ZNF385D: variants seen among roughly 807,000 people sequenced by gnomAD.
ZNF385D encodes the protein zinc finger protein 385D.
ZNF385D carries 15 observed loss-of-function variants against 35.8 expected under a neutral mutation model. That is an observed-to-expected ratio of 0.42 (90% CI 0.28 to 0.64). The LOEUF (loss-of-function observed/expected upper bound fraction) is 0.64. Ranked by LOEUF, ZNF385D falls within the 30% of genes least tolerant of loss-of-function variation. The pLI is 0.23. For missense variants in ZNF385D, 474 were observed against 494.6 expected (o/e 0.96, Z 0.39); for synonymous variants, 212 against 186.8 (o/e 1.13, Z -1.10).
chr3:21,633,621 T>A (rs2065344144), intron 2 of ZNF385D, among the ~76,000 whole-genome samples: 1 of 152,066 alleles, frequency 6.6e-6, no homozygotes, highest in Admixed American at 6.6e-5. Context: ...CTCTCCTGAC[T>A]TCACTGAGGA....
intron 3 of ZNF385D, among the ~76,000 whole-genome samples, chr3:21,879,354 G>A (rs1448144453): frequency 6.6e-6 from 1 of 151,880 alleles, no homozygotes; most frequent in Non-Finnish European, 1.5e-5. Flanking sequence ...GCCATCTCTG[G>A]GATTAGAGTG....
intron 3 of ZNF385D, among the ~76,000 whole-genome samples, chr3:21,887,501 T>A (rs1024657171): frequency 6.6e-6 from 1 of 152,160 alleles, no homozygotes; most frequent in Non-Finnish European, 1.5e-5. Flanking sequence ...AACACTTTGT[T>A]TTAGTTTTTA....
At chr3:21,614,695 TCTC>T (rs1436474013) in intron 2 of ZNF385D, among the ~76,000 whole-genome samples, 22 of 152,128 alleles carry the variant, frequency 1.4e-4, no homozygotes, top group African/African-American at 5.1e-4. Context: ...TTCAAGCAAT[TCTC>T]CTGCCTCAGC....
At chr3:22,034,893 G>A (rs913461976) in intron 3 of ZNF385D, among the ~76,000 whole-genome samples, 1 of 152,032 alleles carries the variant, frequency 6.6e-6, no homozygotes, top group African/African-American at 2.4e-5. Context: ...AGTCAGCCCG[G>A]AGATATGTTG....
At chr3:21,588,812 G>A (rs1433855944) in intron 2 of ZNF385D, among the ~76,000 whole-genome samples, 1 of 152,042 alleles carries the variant, frequency 6.6e-6, no homozygotes, top group Non-Finnish European at 1.5e-5. Flanking sequence ...TTACAGCTAT[G>A]GATTAAGTTA....
chr3:21,755,279 T>C (rs563134887), upstream of ZNF385D, among the ~76,000 whole-genome samples: 2 of 152,322 alleles, frequency 1.3e-5, no homozygotes, highest in African/African-American at 4.8e-5. Flanking sequence ...CCATATTAGA[T>C]CCATTATCAT....
intron 3 of ZNF385D, among the ~76,000 whole-genome samples, chr3:22,047,904 C>T (rs1214520011): frequency 6.6e-6 from 1 of 152,124 alleles, no homozygotes; most frequent in Non-Finnish European, 1.5e-5. Context: ...CACATCTTCA[C>T]CAACACCTAC....
intron 2 of ZNF385D, among the ~76,000 whole-genome samples, chr3:22,343,737 C>T (rs543995610): frequency 6.6e-6 from 1 of 152,334 alleles, no homozygotes; most frequent in South Asian, 2.1e-4. Flanking sequence ...TTAATGCTTG[C>T]ATCTGAGAAC....
chr3:21,824,633 T>C (rs957289798), intron 3 of ZNF385D, among the ~76,000 whole-genome samples: 1 of 152,152 alleles, frequency 6.6e-6, no homozygotes, highest in Non-Finnish European at 1.5e-5. Context: ...AGATTTTCTT[T>C]TAAGAACCTG....
chr3:22,265,970 G>T (rs546137566), intron 2 of ZNF385D, among the ~76,000 whole-genome samples: 89 of 151,922 alleles, frequency 5.9e-4, no homozygotes, highest in Non-Finnish European at 1.2e-3. Flanking sequence ...ATTAAAATAT[G>T]CTGTCTCTTC....
intron 3 of ZNF385D, among the ~76,000 whole-genome samples, chr3:21,776,506 T>G (rs919586212): frequency 6.6e-6 from 1 of 151,970 alleles, no homozygotes. Flanking sequence ...CTGTCATTAT[T>G]TGTATTTATC....
At chr3:22,310,313 AATG>A (rs1394720910) in intron 2 of ZNF385D, among the ~76,000 whole-genome samples, 1 of 151,840 alleles carries the variant, frequency 6.6e-6, no homozygotes, top group Non-Finnish European at 1.5e-5. Flanking sequence ...TGGCTATGAG[AATG>A]ATATGAGCTG....
intron 3 of ZNF385D, among the ~76,000 whole-genome samples, chr3:21,916,448 C>T (rs529046695): frequency 6.6e-6 from 1 of 152,218 alleles, no homozygotes; most frequent in Non-Finnish European, 1.5e-5. Flanking sequence ...AAAATATAAT[C>T]TGCACCCAAT....
chr3:21,726,036 T>A (rs963462106), intron 1 of ZNF385D, among the ~76,000 whole-genome samples: 1 of 152,132 alleles, frequency 6.6e-6, no homozygotes, highest in African/African-American at 2.4e-5. Context: ...CACAAATCAA[T>A]ATACATAATC....
intron 3 of ZNF385D, among the ~76,000 whole-genome samples, chr3:21,968,484 C>T (rs1253414872): frequency 1.3e-5 from 2 of 151,754 alleles, no homozygotes; most frequent in Non-Finnish European, 2.9e-5. Flanking sequence ...GGCAGAAGAG[C>T]TCTCAAGTCC....
At chr3:21,839,920 T>G (rs776424785) in intron 3 of ZNF385D, among the ~76,000 whole-genome samples, 2 of 151,980 alleles carry the variant, frequency 1.3e-5, no homozygotes, top group African/African-American at 2.4e-5. Flanking sequence ...GCGCACAGCC[T>G]TACACCGGAC....
chr3:21,753,308 T>G (rs1211293542), upstream of ZNF385D, among the ~76,000 whole-genome samples: 1 of 152,216 alleles, frequency 6.6e-6, no homozygotes, highest in African/African-American at 2.4e-5. Context: ...ACAGGTTTCC[T>G]TCTTCAAATA....
chr3:22,042,701 A>T (rs996050905), intron 3 of ZNF385D, among the ~76,000 whole-genome samples: 6 of 152,140 alleles, frequency 3.9e-5, no homozygotes, highest in Non-Finnish European at 8.8e-5. Context: ...GAGTCTTCTC[A>T]CTAAGAAAAG....
rs562388857 is a variant in ZNF385D at position 22,113,871 on chromosome 3, C to T, written c.325+54946G>A. On this transcript the variant is annotated intron_variant, in intron 3 of 5. Coordinates refer to the ZNF385D transcript ENST00000494108. ...AGATCATTCCTATTACCCAGAATTACAGCTCATTTTTCTACCTTGCTAAAT... is the reference window on the plus strand; with the variant it reads ...AGATCATTCCTATTACCCAGAATTATAGCTCATTTTTCTACCTTGCTAAAT... Among the ~76,000 whole-genome samples, 14 of 152,084 alleles carry T rather than the reference C, an allele frequency of 9.2e-5. 1 individual carries two copies. The highest frequency in any genetic ancestry group is 1.8e-4 in the Non-Finnish European group (12 of 67,986).
Sources: gnomAD v4.1 joint callset for allele counts (sites outside exome capture counted in the v4.1 genomes callset) on GRCh38, gnomAD v4.1.1 for gene constraint, MANE v1.5 for transcripts, NCBI Gene and HGNC (gene_info 2026-07-23, HGNC 2026-07-21) for gene names.